CADM1: variants seen among roughly 807,000 people sequenced by gnomAD.
CADM1 encodes TSLC-1.
In CADM1, 15 loss-of-function variants were observed where a neutral mutation model predicts 53.1. That is an observed-to-expected ratio of 0.28 (90% CI 0.19 to 0.44). The LOEUF is 0.44. CADM1 is among the 20% of genes least tolerant of loss of function. The pLI, the probability that CADM1 is intolerant of heterozygous loss-of-function variation, is 1.00. For synonymous variants in CADM1, 281 were observed against 243.0 expected (o/e 1.16, Z -1.45); for missense variants, 434 against 611.3 (o/e 0.71, Z 3.06).
intron 1 of CADM1, among the ~76,000 whole-genome samples, chr11:115,314,946 A>C (rs1002849902): frequency 6.6e-6 from 1 of 152,206 alleles, no homozygotes; most frequent in African/African-American, 2.4e-5. Flanking sequence ...TAGGGGAGAA[A>C]GTTCATGAAA....
chr11:115,482,252 C>T (rs1413979994), intron 1 of CADM1, among the ~76,000 whole-genome samples: 1 of 152,200 alleles, frequency 6.6e-6, no homozygotes, highest in Non-Finnish European at 1.5e-5. Context: ...AGACATTCCT[C>T]TTCTATGCTT....
At chr11:115,328,638 AATATAAAT>A (rs1945022971) in intron 1 of CADM1, among the ~76,000 whole-genome samples, 1 of 130,626 alleles carries the variant, frequency 7.7e-6, no homozygotes, top group Non-Finnish European at 1.7e-5. Context: ...ATACTATCTA[AATATAAAT>A]ATATATATAC....
intron 1 of CADM1, among the ~76,000 whole-genome samples, chr11:115,374,139 G>A (rs1456858060): frequency 6.6e-6 from 1 of 151,912 alleles, no homozygotes; most frequent in Non-Finnish European, 1.5e-5. Flanking sequence ...TTTGAGGCAA[G>A]AACAAAACAA....
intron 1 of CADM1, among the ~76,000 whole-genome samples, chr11:115,431,370 C>T (rs369039411): frequency 7.2e-5 from 11 of 152,234 alleles, no homozygotes; most frequent in African/African-American, 2.2e-4. Context: ...TCCATGCCTA[C>T]GCTCAAACCC....
intron 1 of CADM1, among the ~76,000 whole-genome samples, chr11:115,244,496 G>A (rs1180296630): frequency 6.6e-6 from 1 of 152,182 alleles, no homozygotes; most frequent in African/African-American, 2.4e-5. Context: ...GCACTGTGCA[G>A]GATGCTTTAC....
At chr11:115,355,014 T>C (rs1945828244) in intron 1 of CADM1, among the ~76,000 whole-genome samples, 1 of 152,194 alleles carries the variant, frequency 6.6e-6, no homozygotes, top group Non-Finnish European at 1.5e-5. Context: ...AACACTCCTC[T>C]ACATCTTGTA....
intron 1 of CADM1, among the ~76,000 whole-genome samples, chr11:115,493,148 C>T (rs1949536266): frequency 6.6e-6 from 1 of 151,620 alleles, no homozygotes; most frequent in East Asian, 1.9e-4. Context: ...CTTCTTGTGA[C>T]ATGAAATACA....
At chr11:115,307,519 T>A (rs78087949) in intron 1 of CADM1, among the ~76,000 whole-genome samples, 11,176 of 100,764 alleles carry the variant, frequency 0.11, 452 homozygotes, top group Admixed American at 0.18. Flanking sequence ...AAAAAAAAAA[T>A]ATATATATAT....
intron 3 of CADM1, among the ~76,000 whole-genome samples, chr11:115,234,176 C>T (rs1024186590): frequency 6.6e-6 from 1 of 152,168 alleles, no homozygotes; most frequent in Non-Finnish European, 1.5e-5. Context: ...TCTCTGTTTA[C>T]CCCAAGCTTC....
chr11:115,233,877 G>A (rs768906910), intron 3 of CADM1, among the ~76,000 whole-genome samples: 5 of 152,220 alleles, frequency 3.3e-5, no homozygotes, highest in African/African-American at 9.6e-5. Flanking sequence ...GTGACAAAGA[G>A]GGCAAATGGC....
intron 1 of CADM1, among the ~76,000 whole-genome samples, chr11:115,292,999 C>T (rs1943947359): frequency 6.6e-6 from 1 of 152,204 alleles, no homozygotes; most frequent in Admixed American, 6.5e-5. Flanking sequence ...CACTACTTCA[C>T]TGCTTTTAGA....
intron 1 of CADM1, among the ~76,000 whole-genome samples, chr11:115,459,162 T>A (rs189498169): frequency 6.6e-6 from 1 of 152,076 alleles, no homozygotes; most frequent in Admixed American, 6.5e-5. Context: ...TGGAAAGGAG[T>A]GTTATTGCTG....
intron 1 of CADM1, among the ~76,000 whole-genome samples, chr11:115,386,324 A>G (rs1189354023): frequency 6.6e-6 from 1 of 152,276 alleles, no homozygotes; most frequent in Non-Finnish European, 1.5e-5. Flanking sequence ...GAGCTGGAAT[A>G]TATGTCAGCC....
chr11:115,318,514 G>C (rs774229128), intron 1 of CADM1, among the ~76,000 whole-genome samples: 26 of 152,314 alleles, frequency 1.7e-4, no homozygotes, highest in Non-Finnish European at 2.1e-4. Context: ...AGAAGTGTGT[G>C]ATCTGGAGAC....
chr11:115,210,293 T>C (rs910887068), intron 7 of CADM1, among the ~76,000 whole-genome samples: 3 of 152,230 alleles, frequency 2.0e-5, no homozygotes, highest in Non-Finnish European at 4.4e-5. Flanking sequence ...AACTTATAAA[T>C]ATTAATAAGT....
chr11:115,277,744 C>T (rs936997579), intron 1 of CADM1, among the ~76,000 whole-genome samples: 1 of 152,138 alleles, frequency 6.6e-6, no homozygotes, highest in African/African-American at 2.4e-5. Context: ...TTAGTATAGA[C>T]TAAATGCTGA....
intron 1 of CADM1, among the ~76,000 whole-genome samples, chr11:115,389,188 C>T (rs1262763624): frequency 1.3e-5 from 2 of 152,006 alleles, no homozygotes; most frequent in Admixed American, 6.6e-5. Flanking sequence ...GCAAATGGAA[C>T]AAAATGTCAA....
At chr11:115,240,194 G>T (rs1452497357) in intron 2 of CADM1, 80 bp downstream of exon 2, 15 of 1,320,828 alleles carry the variant, frequency 1.1e-5, no homozygotes, top group Non-Finnish European at 1.5e-5. Context: ...ATTTAAAAAA[G>T]GTGGCCTTAG....
chr11:115,440,821 C>T lies in CADM1; in HGVS notation c.124+63450G>A, dbSNP rs565162421. ...TAAGATAGGGTCTCACTCCATTGCC[C>T]ACGCTAGCGTACACTGGCATGAACG... On this transcript the variant is annotated intron_variant, in intron 1 of 11. Coordinates refer to ENST00000331581, the MANE Select transcript of CADM1 (RefSeq NM_001301043.2). Among the ~76,000 whole-genome samples the T allele has an allele frequency of 5.9e-5, 9 of 152,156 alleles. No homozygotes were observed. The South Asian group carries it at 6.2e-4, about 11-fold the overall frequency.
Sources: allele counts gnomAD v4.1 joint callset (sites outside exome capture counted in the v4.1 genomes callset), GRCh38; gene constraint gnomAD v4.1.1; transcripts MANE v1.5; gene names NCBI Gene and HGNC (gene_info 2026-07-23, HGNC 2026-07-21).